The following LOC128125817 variants were observed in gnomAD, a reference collection of about 807,000 sequenced individuals.
chr1:41,626,930 T>A, the LOC128125817 span, among the ~76,000 whole-genome samples: 3 of 152,190 alleles, frequency 2.0e-5, no homozygotes, highest in African/African-American at 7.2e-5. Context: ...TGTGTAGCTG[T>A]CTTTAAACTA....
the LOC128125817 span, among the ~76,000 whole-genome samples, chr1:41,608,304 G>T: frequency 1.3e-5 from 2 of 152,174 alleles, no homozygotes; most frequent in Non-Finnish European, 2.9e-5. Context: ...TTTCTCCATG[G>T]TGGGCATAAT....
At chr1:41,590,793 A>G in the LOC128125817 span, among the ~76,000 whole-genome samples, 1 of 152,174 alleles carries the variant, frequency 6.6e-6, no homozygotes, top group Non-Finnish European at 1.5e-5. Flanking sequence ...AGCACAAGAC[A>G]GGCACCTGTA....
the LOC128125817 span, among the ~76,000 whole-genome samples, chr1:41,620,200 G>A: frequency 6.6e-6 from 1 of 152,192 alleles, no homozygotes; most frequent in South Asian, 2.1e-4. Flanking sequence ...CCTGACAGGT[G>A]GCACAGGTGG....
the LOC128125817 span, among the ~76,000 whole-genome samples, chr1:41,595,348 C>T: frequency 1.1e-4 from 17 of 152,174 alleles, no homozygotes; most frequent in South Asian, 1.4e-3. Flanking sequence ...CAGCCATTGG[C>T]GTTTCAGTCC....
chr1:41,592,690 T>G, the LOC128125817 span, among the ~76,000 whole-genome samples: 1 of 152,242 alleles, frequency 6.6e-6, no homozygotes, highest in Non-Finnish European at 1.5e-5. Context: ...TGTGCTGGCC[T>G]GAGCTATAGT....
the LOC128125817 span, among the ~76,000 whole-genome samples, chr1:41,607,158 C>A: frequency 6.6e-6 from 1 of 152,050 alleles, no homozygotes; most frequent in Admixed American, 6.6e-5. Flanking sequence ...ATTTCTTTGG[C>A]TATATCTTTC....
the LOC128125817 span, among the ~76,000 whole-genome samples, chr1:41,597,477 G>T: frequency 1.3e-5 from 2 of 152,200 alleles, no homozygotes; most frequent in African/African-American, 4.8e-5. Context: ...GCTGTTCTTA[G>T]TATGTTACGC....
At chr1:41,594,034 G>A in the LOC128125817 span, among the ~76,000 whole-genome samples, 1 of 151,898 alleles carries the variant, frequency 6.6e-6, no homozygotes, top group Admixed American at 6.6e-5. Flanking sequence ...CCTCTCCTAA[G>A]GACTCTTGTG....
chr1:41,599,656 T>C, the LOC128125817 span, among the ~76,000 whole-genome samples: 1 of 152,274 alleles, frequency 6.6e-6, no homozygotes. Flanking sequence ...AGAAGCTTCA[T>C]CACATTGGAT....
At chr1:41,610,183 C>T in the LOC128125817 span, among the ~76,000 whole-genome samples, 1 of 152,344 alleles carries the variant, frequency 6.6e-6, no homozygotes, top group South Asian at 2.1e-4. Context: ...ACACACACCA[C>T]ACACATACAC....
chr1:41,626,044 T>C, the LOC128125817 span, among the ~76,000 whole-genome samples: 10 of 152,310 alleles, frequency 6.6e-5, no homozygotes, highest in East Asian at 1.7e-3. Context: ...TAGCTTCTCA[T>C]TCAGAAAGCA....
At chr1:41,595,056 C>T in the LOC128125817 span, among the ~76,000 whole-genome samples, 1 of 152,176 alleles carries the variant, frequency 6.6e-6, no homozygotes, top group Non-Finnish European at 1.5e-5. Flanking sequence ...ATTCCAAATC[C>T]ACTGAAATAG....
chr1:41,592,219 G>A, the LOC128125817 span, among the ~76,000 whole-genome samples: 1 of 152,172 alleles, frequency 6.6e-6, no homozygotes, highest in Non-Finnish European at 1.5e-5. Flanking sequence ...CACCTTGGCT[G>A]CCATGGGTCC....
chr1:41,613,743 C>T, the LOC128125817 span, among the ~76,000 whole-genome samples: 1 of 152,290 alleles, frequency 6.6e-6, no homozygotes, highest in East Asian at 1.9e-4. Context: ...GCAACCATCC[C>T]AATGATGTAA....
At chr1:41,602,904 A>G in the LOC128125817 span, among the ~76,000 whole-genome samples, 1 of 151,602 alleles carries the variant, frequency 6.6e-6, no homozygotes, top group Non-Finnish European at 1.5e-5. Context: ...AAGTTTTGGT[A>G]TGTTGTGTTT....
the LOC128125817 span, among the ~76,000 whole-genome samples, chr1:41,610,388 T>C: frequency 2.6e-5 from 4 of 152,264 alleles, no homozygotes; most frequent in African/African-American, 9.6e-5. Context: ...AGGGTTCTTT[T>C]AGGCCAAGGA....
At chr1:41,613,671 T>G in the LOC128125817 span, among the ~76,000 whole-genome samples, 1 of 152,262 alleles carries the variant, frequency 6.6e-6, no homozygotes. Context: ...AAATGCTGTC[T>G]AGTCATTTGA....
At chr1:41,593,547 T>C in the LOC128125817 span, among the ~76,000 whole-genome samples, 1 of 152,208 alleles carries the variant, frequency 6.6e-6, no homozygotes, top group Non-Finnish European at 1.5e-5. Flanking sequence ...GAATACTTGA[T>C]TAAAGGGGAT....
the LOC128125817 span, among the ~76,000 whole-genome samples, chr1:41,612,220 T>A: frequency 1.1e-4 from 16 of 152,214 alleles, no homozygotes; most frequent in African/African-American, 3.6e-4. Context: ...TTGTCACCAC[T>A]GCCAGTTTCT....
Sources: gnomAD v4.1 joint callset for allele counts (sites outside exome capture counted in the v4.1 genomes callset) on GRCh38, gnomAD v4.1.1 for gene constraint, MANE v1.5 for transcripts.